ADCY10: variants seen among roughly 807,000 people sequenced by gnomAD.
ADCY10 encodes adenylate cyclase type 10.
A neutral mutation model predicts 183.3 loss-of-function variants in ADCY10; 156 were observed. The observed-to-expected ratio is 0.85, with a 90% confidence interval of 0.75 to 0.97. The LOEUF (loss-of-function observed/expected upper bound fraction) is 0.97, where lower values mean the gene tolerates loss of function less well. ADCY10 is among the 50% of genes least tolerant of loss of function. ADCY10 has a pLI of 0.00. For missense variants in ADCY10, 1,745 were observed against 1,934.3 expected (o/e 0.90, Z 1.84); for synonymous variants, 645 against 670.0 (o/e 0.96, Z 0.58).
intron 16 of ADCY10, among the ~76,000 whole-genome samples, chr1:167,857,786 T>A (rs772692765): frequency 1.9e-4 from 29 of 152,288 alleles, no homozygotes; most frequent in Non-Finnish European, 3.7e-4. Flanking sequence ...TTGCCCAGGG[T>A]CACACAGATA....
At chr1:167,876,803 T>C (rs203833) in intron 12 of ADCY10, among the ~76,000 whole-genome samples, 50,465 of 152,114 alleles carry the variant, frequency 0.33, 9,454 homozygotes, top group African/African-American at 0.5. Context: ...TGAATGCTTT[T>C]GTCAATGGAC....
chr1:167,903,833 G>C, intron 3 of ADCY10, 54 bp downstream of exon 3: 2 of 1,350,034 alleles, frequency 1.5e-6, no homozygotes, highest in Non-Finnish European at 2.1e-6. Flanking sequence ...GACAACTACG[G>C]AAAAAACAAT....
intron 21 of ADCY10, among the ~76,000 whole-genome samples, chr1:167,842,208 C>T (rs190897792): frequency 8.1e-4 from 123 of 152,268 alleles, no homozygotes; most frequent in Non-Finnish European, 1.1e-3. Context: ...GCCATGATCA[C>T]GGCTCACTGC....
In ADCY10 at chr1:167,860,898, A is replaced by T; in HGVS notation, c.1782T>A (p.Cys594Ter). Residue 594 changes from cysteine to a stop codon, truncating the protein, a stop_gained, in exon 15 of 33, where the codon TGT becomes TGA. Transcript: ENST00000367851. LOFTEE classifies it high-confidence loss of function. The stretch of plus-strand genomic sequence containing the variant: ...GAACATGGAAAATGTCATTAAGAAG[A>T]CAGTAGAACTTTTCATCCAACAGTG... The part of the protein sequence containing the change: ...VMTLLDEKFY[C>*]LLNDIFHVQF... The T allele has an allele frequency of 6.2e-7, 1 of 1,614,140 alleles. No individual in the cohort carries two copies. Among genetic ancestry groups the T allele is most frequent in the Non-Finnish European group, 8.5e-7 (1 of 1,180,002 alleles).
chr1:167,897,543 ATATGTTGTTG>A (rs200662731), intron 6 of ADCY10, among the ~76,000 whole-genome samples: 22 of 36 alleles, frequency 0.61, 4 homozygotes, highest in African/African-American at 0.65. Flanking sequence ...AGAGAGAGAG[ATATGTTGTTG>A]GAGATGCAGA....
At chr1:167,905,289 G>A (rs1053682662) in intron 1 of ADCY10, 91 bp from the exon 2 acceptor site, 10 of 1,000,406 alleles carry the variant, frequency 1.0e-5, no homozygotes, top group African/African-American at 4.8e-5. Context: ...TCTAACCTGC[G>A]GCCTGCTTAT....
At chr1:167,826,176 C>G (rs183726046) in intron 26 of ADCY10, among the ~76,000 whole-genome samples, 1 of 152,224 alleles carries the variant, frequency 6.6e-6, no homozygotes, top group African/African-American at 2.4e-5. Flanking sequence ...TGGTTTGGAA[C>G]ATGTTCCAGA....
At chr1:167,875,760 C>T (rs148726658) in intron 12 of ADCY10, among the ~76,000 whole-genome samples, 2,216 of 152,106 alleles carry the variant, frequency 0.015, 23 homozygotes, top group East Asian at 0.075. Context: ...ACCATCCTGG[C>T]TAACACGGTG....
In ADCY10 at chr1:167,856,190, T is replaced by C; in HGVS notation, c.2146A>G (p.Ser716Gly). The C allele has an allele frequency of 6.2e-7, 1 of 1,613,918 alleles. No individual in the cohort carries two copies. The highest frequency in any genetic ancestry group is 8.5e-7 in the Non-Finnish European group (1 of 1,179,852). ...GAGTCCAGTTCTTTGGAGATGCAGC[T>C]CACATTGAGGTCAAGACAGATCTTG... ...SNKICLDLNV[S>G]CISKELDSYL... is the part of the protein sequence containing the mutation. The change falls in exon 17 of 33, where the codon AGC (serine) becomes GGC (glycine). Residue 716 changes from serine to glycine, a missense_variant. Ser to Gly is a moderately conservative substitution (Grantham distance 56). Coordinates refer to ENST00000367851, the MANE Select transcript of ADCY10 (RefSeq NM_018417.6).
At chr1:167,820,967 A>G (rs2101855300) in intron 30 of ADCY10, 1 of 152,308 alleles carries the variant, frequency 6.6e-6, no homozygotes, top group Admixed American at 6.5e-5. Flanking sequence ...TTTCTATTCC[A>G]ATTTGGAGCT....
chr1:167,893,254 G>T (rs1476482669), intron 8 of ADCY10, among the ~76,000 whole-genome samples: 2 of 152,104 alleles, frequency 1.3e-5, no homozygotes, highest in Admixed American at 1.3e-4. Context: ...ATATAGAAAG[G>T]GTGCCCGCAT....
At chr1:167,815,911 G>A (rs183313579) in intron 31 of ADCY10, among the ~76,000 whole-genome samples, 39 of 152,048 alleles carry the variant, frequency 2.6e-4, no homozygotes, top group Non-Finnish European at 4.4e-4. Flanking sequence ...ACAGGACCCC[G>A]CTGAGGAAAG....
chr1:167,820,005 G>A, intron 30 of ADCY10: 2 of 1,540,936 alleles, frequency 1.3e-6, no homozygotes, highest in African/African-American at 1.4e-5. Flanking sequence ...ACTCTCCTTG[G>A]GACTTTCTTC....
At chr1:167,893,738 A>G (rs1668760089) in intron 8 of ADCY10, 115 bp downstream of exon 8, 1 of 599,276 alleles carries the variant, frequency 1.7e-6, no homozygotes, top group Non-Finnish European at 3.0e-6. Context: ...TTTTATTTTA[A>G]TGGAACATTT....
At chr1:167,818,496 A>G in intron 30 of ADCY10, 1 of 626,034 alleles carries the variant, frequency 1.6e-6, no homozygotes, top group Non-Finnish European at 3.0e-6. Flanking sequence ...ATCCTTGGAA[A>G]CACTCAGGTA....
At chr1:167,875,216 A>G in intron 12 of ADCY10, 30 bp from the exon 13 acceptor site, 1 of 1,609,784 alleles carries the variant, frequency 6.2e-7, no homozygotes, top group Non-Finnish European at 8.5e-7. Flanking sequence ...AACAGATGCT[A>G]GATTCAAAAC....
intron 16 of ADCY10, among the ~76,000 whole-genome samples, chr1:167,857,697 A>G (rs1474069392): frequency 1.3e-5 from 2 of 152,232 alleles, no homozygotes; most frequent in Admixed American, 1.3e-4. Context: ...TAACTCACTT[A>G]ATCCTCACAA....
chr1:167,855,905 A>T (rs1665852771), intron 17 of ADCY10, among the ~76,000 whole-genome samples: 1 of 152,190 alleles, frequency 6.6e-6, no homozygotes, highest in Admixed American at 6.5e-5. Flanking sequence ...CAGAAAGCTG[A>T]GGCAGGAGGA....
chr1:167,837,935 A>G (rs1289535361), intron 21 of ADCY10, among the ~76,000 whole-genome samples: 2 of 152,254 alleles, frequency 1.3e-5, no homozygotes, highest in East Asian at 1.9e-4. Context: ...AGAAAATTCC[A>G]TAATGATCTT....
Sources: allele counts gnomAD v4.1 joint callset (sites outside exome capture counted in the v4.1 genomes callset), GRCh38; gene constraint gnomAD v4.1.1; transcripts MANE v1.5; gene names NCBI Gene and HGNC (gene_info 2026-07-23, HGNC 2026-07-21).